Variants in CDH11 observed in about 807,000 individuals in gnomAD.
CDH11 encodes cadherin-11.
CDH11 carries 11 observed loss-of-function variants against 67.8 expected under a neutral mutation model. That is an observed-to-expected ratio of 0.16 (90% CI 0.10 to 0.27). The LOEUF is 0.27. Ranked by LOEUF, CDH11 falls within the 10% of genes least tolerant of loss-of-function variation. The probability of loss-of-function intolerance (pLI) is 1.00; values close to 1 mark genes in which losing one functional copy is unlikely to be tolerated. For missense variants in CDH11, 847 were observed against 1,031.2 expected (o/e 0.82, Z 2.45); for synonymous variants, 419 against 400.0 (o/e 1.05, Z -0.57).
At chr16:65,081,159 A>C (rs2074602595) in intron 1 of CDH11, among the ~76,000 whole-genome samples, 1 of 152,196 alleles carries the variant, frequency 6.6e-6, no homozygotes, top group African/African-American at 2.4e-5. Context: ...TAAATACCTA[A>C]ATTGATCTAT....
Position 64,993,030 on chromosome 16 carries a change from C to A in CDH11, c.528G>T (p.Thr176=). 2 of 1,610,208 alleles carry A rather than the reference C, an allele frequency of 1.2e-6. No individual in the cohort carries two copies. The highest frequency in any genetic ancestry group is 1.7e-6 in the Non-Finnish European group (2 of 1,176,640). The change falls in exon 5 of 13, where the codon ACG becomes ACT. Residue 176 remains threonine (T), a synonymous_variant. Transcript: ENST00000268603. The part of the protein sequence containing the change: ...ANVPERSNVG[T]SVIQVTASDA... ...CTGAAGCTGTCACCTGGATTACTGA[C>A]GTTCCTTAAAAGTGAAATAAATTAA...
At chr16:65,005,127 T>C (rs1454325492) in intron 2 of CDH11, 86 bp from the exon 3 acceptor site, 3 of 1,213,440 alleles carry the variant, frequency 2.5e-6, no homozygotes, top group African/African-American at 3.1e-5. Flanking sequence ...GGACTGGGCA[T>C]GAGTTTATCA....
intron 1 of CDH11, among the ~76,000 whole-genome samples, chr16:65,089,389 T>C (rs1308421777): frequency 6.6e-6 from 1 of 152,228 alleles, no homozygotes; most frequent in Non-Finnish European, 1.5e-5. Flanking sequence ...ATTCTATATT[T>C]GAATAATAGA....
At chr16:65,032,768 A>T (rs1360105957) in intron 2 of CDH11, among the ~76,000 whole-genome samples, 2 of 152,232 alleles carry the variant, frequency 1.3e-5, no homozygotes, top group Non-Finnish European at 2.9e-5. Context: ...GGCATTAGTT[A>T]TCTTCCCATT....
intron 3 of CDH11, among the ~76,000 whole-genome samples, chr16:65,001,853 T>A (rs1464346762): frequency 6.7e-6 from 1 of 148,630 alleles, no homozygotes; most frequent in Non-Finnish European, 1.5e-5. Flanking sequence ...TATCAAGGGA[T>A]CCAGTTGCTG....
intron 2 of CDH11, among the ~76,000 whole-genome samples, chr16:65,034,034 A>C (rs1269345676): frequency 6.6e-6 from 1 of 152,200 alleles, no homozygotes; most frequent in African/African-American, 2.4e-5. Flanking sequence ...TGTGTCTCCC[A>C]AAAAGATGTT....
At chr16:64,968,665 C>A in intron 11 of CDH11, 1 of 523,442 alleles carries the variant, frequency 1.9e-6, no homozygotes, top group Non-Finnish European at 2.5e-6. Context: ...AATGCTTATG[C>A]CGGAGTTTAG....
intron 1 of CDH11, among the ~76,000 whole-genome samples, chr16:65,071,806 C>A (rs189580898): frequency 1.3e-5 from 2 of 152,132 alleles, no homozygotes; most frequent in African/African-American, 4.8e-5. Context: ...GATCGTGACC[C>A]GAGCCGAAAG....
chr16:64,979,534 C>T (rs1597045145), intron 8 of CDH11, among the ~76,000 whole-genome samples: 1 of 152,066 alleles, frequency 6.6e-6, no homozygotes, highest in Admixed American at 6.6e-5. Flanking sequence ...TATATCATTT[C>T]ATACCCACTA....
intron 4 of CDH11, among the ~76,000 whole-genome samples, chr16:64,995,750 C>T (rs995113945): frequency 2.0e-5 from 3 of 152,074 alleles, no homozygotes; most frequent in Admixed American, 6.6e-5. Flanking sequence ...CAAGCAGGAC[C>T]TAATTACACT....
At position 64,946,197 on chromosome 16, in the gene CDH11, A is replaced by C; in HGVS notation, c.*1406T>G. ...TCATTAAAACATAAAATGCCACATC[A>C]TTTTACAATTAGTTAAAATTACAGG... is the stretch of plus-strand genomic sequence containing the variant. On this transcript the variant is annotated 3_prime_UTR_variant, in exon 13 of 13. Coordinates refer to ENST00000268603, the MANE Select transcript of CDH11 (RefSeq NM_001797.4). 2.9e-6 allele frequency: 3 copies of C among 1,051,572 alleles called. No homozygotes were observed. Among genetic ancestry groups the C allele is most frequent in the East Asian group, 1.1e-4 (2 of 18,336 alleles). 65.1% of individuals were successfully genotyped at this position (1,051,572 alleles called of 1,614,324 possible). A position where few individuals can be genotyped will look rare whatever the true frequency, so the allele number is the denominator to read the frequency against.
At chr16:64,994,744 G>A (rs548431721) in intron 4 of CDH11, among the ~76,000 whole-genome samples, 9 of 152,230 alleles carry the variant, frequency 5.9e-5, no homozygotes, top group South Asian at 2.1e-4. Context: ...AAAAGACATC[G>A]AAATAGGAAA....
Position 64,971,675 on chromosome 16 carries a change from C to G in CDH11, c.1546G>C (p.Asp516His). The G allele has an allele frequency of 1.2e-6, 2 of 1,612,154 alleles. No homozygotes were observed. Among genetic ancestry groups the G allele is most frequent in the Non-Finnish European group, 1.7e-6 (2 of 1,178,350 alleles). Reference protein sequence around the residue: ...SNQPIVTISADDKDDTANGPR... With the variant: ...SNQPIVTISAHDKDDTANGPR... ...CCATTGGCCGTGTCATCCTTGTCATCTGCACTAATTGTAACAATTGGCTGA... is the reference window on the plus strand; with the variant it reads ...CCATTGGCCGTGTCATCCTTGTCATGTGCACTAATTGTAACAATTGGCTGA... The change falls in exon 11 of 13, where the codon GAT (aspartate) becomes CAT (histidine). Residue 516 changes from aspartate to histidine, a missense_variant. Transcript: ENST00000268603.
intron 1 of CDH11, among the ~76,000 whole-genome samples, chr16:65,100,599 G>A (rs576019023): frequency 2.0e-4 from 31 of 151,966 alleles, no homozygotes; most frequent in African/African-American, 6.7e-4. Context: ...TTAGCCGGGC[G>A]TCGTGGCGGG....
At chr16:65,075,835 A>G (rs181546111) in intron 1 of CDH11, among the ~76,000 whole-genome samples, 50 of 152,334 alleles carry the variant, frequency 3.3e-4, no homozygotes, top group African/African-American at 1.1e-3. Flanking sequence ...TTACCAAGTT[A>G]TCTCATCCAT....
At chr16:65,099,622 G>C (rs1432336890) in intron 1 of CDH11, among the ~76,000 whole-genome samples, 1 of 152,132 alleles carries the variant, frequency 6.6e-6, no homozygotes, top group Non-Finnish European at 1.5e-5. Context: ...AAATATCTCA[G>C]CATCAATAAA....
chr16:65,081,347 T>C (rs2142800178), intron 1 of CDH11, among the ~76,000 whole-genome samples: 1 of 152,224 alleles, frequency 6.6e-6, no homozygotes, highest in East Asian at 1.9e-4. Context: ...GGCGGGCAGA[T>C]CACGAGGTCA....
chr16:64,976,851 AAACC>A (rs143816723), intron 8 of CDH11, among the ~76,000 whole-genome samples: 26,193 of 146,930 alleles, frequency 0.18, 2,847 homozygotes, highest in East Asian at 0.42. Context: ...CGGTCTCCAA[AAACC>A]AACCAACCAA....
intron 2 of CDH11, among the ~76,000 whole-genome samples, chr16:65,025,496 C>T (rs972805771): frequency 6.6e-6 from 1 of 152,128 alleles, no homozygotes; most frequent in African/African-American, 2.4e-5. Flanking sequence ...GCACCCATCA[C>T]CACACCCAGC....
Sources: gnomAD v4.1 joint callset for allele counts (sites outside exome capture counted in the v4.1 genomes callset) on GRCh38, gnomAD v4.1.1 for gene constraint, MANE v1.5 for transcripts, NCBI Gene and HGNC (gene_info 2026-07-23, HGNC 2026-07-21) for gene names.